DAB1: variants seen among roughly 807,000 people sequenced by gnomAD.
DAB1 encodes DAB adaptor protein 1, also known as disabled homolog 1.
DAB1 carries 15 observed loss-of-function variants against 64.6 expected under a neutral mutation model. The ratio of observed to expected loss-of-function variants is 0.23; its 90% CI spans 0.16 to 0.36. DAB1 has a LOEUF of 0.36. Among genes scored for constraint, DAB1 ranks in the 10% least tolerant of loss-of-function variants. The pLI is 1.00. For missense variants in DAB1, 596 were observed against 706.7 expected (o/e 0.84, Z 1.78); for synonymous variants, 235 against 251.9 (o/e 0.93, Z 0.64).
intron 2 of DAB1, among the ~76,000 whole-genome samples, chr1:57,198,690 C>CAG (rs1553155120): frequency 9.0e-4 from 127 of 140,570 alleles, no homozygotes; most frequent in Non-Finnish European, 1.6e-3. Context: ...CACACACACA[C>CAG]CCATCAACTT....
intron 4 of DAB1, among the ~76,000 whole-genome samples, chr1:58,156,369 T>C (rs1289958352): frequency 6.6e-6 from 1 of 152,198 alleles, no homozygotes; most frequent in East Asian, 1.9e-4. Flanking sequence ...ATCTTAGCGC[T>C]TCCCAACCTG....
At chr1:57,583,668 T>C (rs1187796812) in intron 7 of DAB1, among the ~76,000 whole-genome samples, 1 of 152,198 alleles carries the variant, frequency 6.6e-6, no homozygotes, top group Non-Finnish European at 1.5e-5. Flanking sequence ...TTAGCAGTGA[T>C]GTTTGGGTTT....
intron 5 of DAB1, among the ~76,000 whole-genome samples, chr1:58,123,105 C>T (rs1177540589): frequency 6.6e-6 from 1 of 152,106 alleles, no homozygotes; most frequent in Non-Finnish European, 1.5e-5. Context: ...GTCTTTGTTA[C>T]ACAATTCACC....
upstream of DAB1, among the ~76,000 whole-genome samples, chr1:57,884,652 T>A (rs1205975398): frequency 1.3e-5 from 2 of 152,240 alleles, no homozygotes; most frequent in African/African-American, 4.8e-5. Flanking sequence ...TCAGAAAATG[T>A]ATAAAGGAAT....
At chr1:58,239,078 C>G (rs1287364255) in intron 4 of DAB1, among the ~76,000 whole-genome samples, 1 of 152,152 alleles carries the variant, frequency 6.6e-6, no homozygotes, top group Non-Finnish European at 1.5e-5. Flanking sequence ...GCTTCCAGGA[C>G]CCTCCCGGAA....
intron 4 of DAB1, among the ~76,000 whole-genome samples, chr1:58,257,416 G>C (rs1252627104): frequency 6.6e-6 from 1 of 152,184 alleles, no homozygotes; most frequent in African/African-American, 2.4e-5. Context: ...AGGGTGTGGG[G>C]CTATGACTGC....
chr1:57,991,233 A>G (rs1646333168), intron 5 of DAB1, among the ~76,000 whole-genome samples: 1 of 152,190 alleles, frequency 6.6e-6, no homozygotes, highest in Non-Finnish European at 1.5e-5. Flanking sequence ...AAAACATTAC[A>G]TTACCTCCAA....
intron 2 of DAB1, among the ~76,000 whole-genome samples, chr1:57,275,898 C>T (rs1671418634): frequency 6.6e-6 from 1 of 152,188 alleles, no homozygotes; most frequent in African/African-American, 2.4e-5. Context: ...CTGCTAAAAG[C>T]AGTTCTGTAA....
Position 57,015,314 on chromosome 1 carries a change from G to T in DAB1, c.1013C>A (p.Pro338His). ...PVAQVMPGAQ[P>H]IAWGQPGLFP... is the part of the protein sequence containing the mutation. ...GAGACCCGGCTGGCCCCATGCGATGGGCTGAGCCCCCGGCATCACCTGAGC... is the reference window on the plus strand; with the variant it reads ...GAGACCCGGCTGGCCCCATGCGATGTGCTGAGCCCCCGGCATCACCTGAGC... Residue 338 changes from proline (P) to histidine (H), a missense_variant, in exon 12 of 15, where the codon CCC (proline) becomes CAC (histidine). Pro to His is a moderately conservative substitution (Grantham distance 77). Around this residue, in one of 3 missense-constraint regions of DAB1, gnomAD observed 377 missense variants for 400.4 expected, o/e 0.94. Coordinates refer to ENST00000371236, the MANE Select transcript of DAB1 (RefSeq NM_001365792.1). 1.2e-6 allele frequency: 2 copies of T among 1,614,102 alleles called. No individual in the cohort carries two copies. The highest frequency in any genetic ancestry group is 1.7e-6 in the Non-Finnish European group (2 of 1,180,038).
chr1:57,330,968 C>T (rs1676616623), intron 1 of DAB1, among the ~76,000 whole-genome samples: 1 of 152,122 alleles, frequency 6.6e-6, no homozygotes, highest in South Asian at 2.1e-4. Flanking sequence ...TCTGTAAATA[C>T]CATCCTTCCT....
At chr1:57,423,035 C>T (rs1033471971) in intron 1 of DAB1, among the ~76,000 whole-genome samples, 10 of 151,706 alleles carry the variant, frequency 6.6e-5, no homozygotes, top group Non-Finnish European at 1.2e-4. Context: ...CCCTTTCAGA[C>T]GCCGCGACAC....
rs547782304 is a variant in DAB1 at position 57,709,080 on chromosome 1, T to G, written n.552-59415A>C. On this transcript the variant is annotated intron_variant and non_coding_transcript_variant, in intron 6 of 20. Coordinates refer to the DAB1 transcript ENST00000485760. Reference sequence around the variant, plus strand: ...TATTAATTCTTTGAATATTTTTTATTCCAATTTTTTCTATTCTCTTTTCCT... The same window carrying G: ...TATTAATTCTTTGAATATTTTTTATGCCAATTTTTTCTATTCTCTTTTCCT... Among the ~76,000 whole-genome samples the G allele has an allele frequency of 4.6e-5, 7 of 152,300 alleles. 1 individual carries two copies. The South Asian group carries it at 1.5e-3, about 32-fold the overall frequency.
chr1:57,151,011 G>A (rs868403369), intron 2 of DAB1, among the ~76,000 whole-genome samples: 2 of 152,050 alleles, frequency 1.3e-5, no homozygotes, highest in South Asian at 4.2e-4. Flanking sequence ...AAAAAACCCT[G>A]GCACCTTACA....
intron 1 of DAB1, among the ~76,000 whole-genome samples, chr1:57,839,836 G>C (rs1233040863): frequency 6.6e-6 from 1 of 152,214 alleles, no homozygotes; most frequent in Admixed American, 6.5e-5. Flanking sequence ...CCAGGCAAGA[G>C]ACAGCCACTG....
intron 7 of DAB1, among the ~76,000 whole-genome samples, chr1:57,647,958 A>G (rs186483984): frequency 4.6e-5 from 7 of 152,334 alleles, no homozygotes; most frequent in Admixed American, 3.9e-4. Context: ...AAGTCATCAC[A>G]AATCTATATA....
At chr1:57,387,637 T>C (rs1007688393) in intron 1 of DAB1, among the ~76,000 whole-genome samples, 2 of 151,912 alleles carry the variant, frequency 1.3e-5, no homozygotes, top group African/African-American at 4.8e-5. Flanking sequence ...GCTTGACCGA[T>C]GTGGTGAAGC....
intron 5 of DAB1, among the ~76,000 whole-genome samples, chr1:58,135,088 T>G (rs1158447489): frequency 6.6e-6 from 1 of 152,168 alleles, no homozygotes; most frequent in African/African-American, 2.4e-5. Context: ...TCTCATTTTT[T>G]GTTGAGGGAA....
intron 7 of DAB1, among the ~76,000 whole-genome samples, chr1:57,544,516 T>G (rs1644835606): frequency 6.6e-6 from 1 of 152,190 alleles, no homozygotes; most frequent in Non-Finnish European, 1.5e-5. Flanking sequence ...ACTTCCTAAT[T>G]AGCCTCCCAC....
At chr1:58,375,819 T>C (rs1167163324) in intron 3 of DAB1, among the ~76,000 whole-genome samples, 2 of 146,460 alleles carry the variant, frequency 1.4e-5, no homozygotes, top group African/African-American at 5.0e-5. Context: ...TCCTGGACTC[T>C]TTTTGGTTGG....
Sources: gnomAD v4.1 joint callset for allele counts (sites outside exome capture counted in the v4.1 genomes callset) on GRCh38, gnomAD v4.1.1 for gene constraint, gnomAD v4.1.1 regional missense constraint, MANE v1.5 for transcripts, NCBI Gene and HGNC (gene_info 2026-07-23, HGNC 2026-07-21) for gene names.